Variants in RNGTT observed in about 807,000 individuals in gnomAD.
RNGTT encodes the protein RNA guanylyltransferase and 5'-phosphatase.
Under a neutral mutation model 79.3 loss-of-function variants are expected in RNGTT, and 33 were observed. That is an observed-to-expected ratio of 0.42 (90% CI 0.32 to 0.56). RNGTT has a LOEUF of 0.56. Ranked by LOEUF, RNGTT falls within the 20% of genes least tolerant of loss-of-function variation. RNGTT has a pLI of 0.17. For synonymous variants in RNGTT, 222 were observed against 235.9 expected (o/e 0.94, Z 0.54); for missense variants, 497 against 739.1 (o/e 0.67, Z 3.80).
chr6:88,642,083 C>T (rs1020577687), intron 14 of RNGTT, among the ~76,000 whole-genome samples: 6 of 152,042 alleles, frequency 3.9e-5, no homozygotes, highest in Non-Finnish European at 8.8e-5. Flanking sequence ...AATCAAAGTA[C>T]TATATCTTTC....
At chr6:88,858,658 T>A (rs903531457) in intron 8 of RNGTT, among the ~76,000 whole-genome samples, 5 of 152,218 alleles carry the variant, frequency 3.3e-5, no homozygotes, top group African/African-American at 1.2e-4. Flanking sequence ...ATGAGGAAAC[T>A]GAGACATTGC....
At chr6:88,942,497 G>A (rs1784883372) in intron 1 of RNGTT, among the ~76,000 whole-genome samples, 1 of 151,900 alleles carries the variant, frequency 6.6e-6, no homozygotes, top group South Asian at 2.1e-4. Flanking sequence ...CAGCCCCCCA[G>A]TAGCTGGGAC....
intron 1 of RNGTT, among the ~76,000 whole-genome samples, chr6:88,942,936 TC>T (rs1206653259): frequency 1.3e-5 from 2 of 152,156 alleles, no homozygotes; most frequent in African/African-American, 2.4e-5. Context: ...TACTATTATA[TC>T]CTCCTGGTTT....
At chr6:88,766,250 C>T (rs185755849) in intron 13 of RNGTT, among the ~76,000 whole-genome samples, 3 of 152,196 alleles carry the variant, frequency 2.0e-5, no homozygotes, top group Admixed American at 1.3e-4. Context: ...AGCTTTAAAA[C>T]CTGAACTCTA....
At chr6:88,938,837 C>T (rs998141576) in intron 2 of RNGTT, among the ~76,000 whole-genome samples, 1 of 152,128 alleles carries the variant, frequency 6.6e-6, no homozygotes, top group African/African-American at 2.4e-5. Flanking sequence ...TTTTGCTTGT[C>T]TGGGAAAGAC....
intron 13 of RNGTT, among the ~76,000 whole-genome samples, chr6:88,747,858 G>C (rs1393965974): frequency 6.6e-6 from 1 of 152,166 alleles, no homozygotes; most frequent in Non-Finnish European, 1.5e-5. Context: ...ACAGAGCAAT[G>C]ATTATGTATA....
At position 88,765,899 on chromosome 6, in the gene RNGTT, G is replaced by C. The variant is rs373798952; in HGVS notation, c.1439+3875C>G. Among the ~76,000 whole-genome samples the C allele has an allele frequency of 2.3e-4, 35 of 152,208 alleles. No individual in the cohort carries two copies. The South Asian group carries it at 6.4e-3, about 28-fold the overall frequency. ...TTACACAAAAAAGCTAAAGATATAT[G>C]CATTTTAAAAGAGAAAATTAACAGA... On this transcript the variant is annotated intron_variant, in intron 13 of 15. Transcript: ENST00000369485.
chr6:88,865,957 G>A (rs998330291), intron 8 of RNGTT, among the ~76,000 whole-genome samples: 3 of 151,892 alleles, frequency 2.0e-5, no homozygotes, highest in Admixed American at 6.6e-5. Flanking sequence ...AATCTACTTG[G>A]GTTCATGTTT....
In RNGTT at chr6:88,697,889, G is replaced by GAT. The variant is rs1484792332; in HGVS notation, c.1440-19472_1440-19471dup. Among the ~76,000 whole-genome samples the GAT allele has an allele frequency of 1.6e-4, 12 of 77,356 alleles. No individual in the cohort carries two copies. In the South Asian group the frequency reaches 3.6e-3, roughly 23 times the overall value. 50.7% of individuals were successfully genotyped at this position (77,356 alleles called of 152,430 possible). A position where few individuals can be genotyped will look rare whatever the true frequency, so the allele number is the denominator to read the frequency against. ...CTGTCTTGGAAAAAAATATATATAT[G>GAT]ATATATATATATGATATATATATGA... On this transcript the variant is annotated intron_variant, in intron 13 of 15. Coordinates refer to ENST00000369485, the MANE Select transcript of RNGTT (RefSeq NM_003800.5).
At chr6:88,632,534 C>T (rs1219268554) in intron 14 of RNGTT, among the ~76,000 whole-genome samples, 1 of 96,678 alleles carries the variant, frequency 1.0e-5, no homozygotes, top group South Asian at 3.7e-4. Flanking sequence ...TACAGACACA[C>T]AGACACACAG....
chr6:88,634,987 A>G (rs1037129347), intron 14 of RNGTT, among the ~76,000 whole-genome samples: 12 of 152,102 alleles, frequency 7.9e-5, no homozygotes, highest in Non-Finnish European at 1.6e-4. Flanking sequence ...AAGACTCTTA[A>G]GGGATGAAAA....
chr6:88,760,146 T>C (rs1252298057), intron 13 of RNGTT, among the ~76,000 whole-genome samples: 1 of 152,222 alleles, frequency 6.6e-6, no homozygotes, highest in African/African-American at 2.4e-5. Flanking sequence ...GTAATTTGAC[T>C]CCAGTGAGGT....
chr6:88,648,446 A>G (rs2127776670), intron 14 of RNGTT, among the ~76,000 whole-genome samples: 1 of 151,636 alleles, frequency 6.6e-6, no homozygotes, highest in South Asian at 2.1e-4. Flanking sequence ...CACATTGTGC[A>G]CATGTACCCT....
chr6:88,774,611 T>C (rs1235435344), intron 12 of RNGTT, among the ~76,000 whole-genome samples: 3 of 152,210 alleles, frequency 2.0e-5, no homozygotes, highest in Non-Finnish European at 4.4e-5. Flanking sequence ...CAAAAGGTTG[T>C]ATATACATAT....
At chr6:88,621,344 T>C (rs2127765830) in intron 14 of RNGTT, among the ~76,000 whole-genome samples, 1 of 152,274 alleles carries the variant, frequency 6.6e-6, no homozygotes, top group Admixed American at 6.5e-5. Flanking sequence ...TTGTACCAGT[T>C]TAGAGTAGAG....
chr6:88,902,982 C>T (rs538726217), intron 6 of RNGTT, among the ~76,000 whole-genome samples: 2 of 152,152 alleles, frequency 1.3e-5, no homozygotes, highest in African/African-American at 4.8e-5. Context: ...GCGTGAGCCA[C>T]CGCACCTGGC....
At chr6:88,957,531 C>T (rs911956039) in intron 1 of RNGTT, among the ~76,000 whole-genome samples, 3 of 152,162 alleles carry the variant, frequency 2.0e-5, no homozygotes, top group South Asian at 2.1e-4. Context: ...TTTCAGGATA[C>T]AAAATCAACG....
At chr6:88,622,398 C>T (rs1772470807) in intron 14 of RNGTT, among the ~76,000 whole-genome samples, 1 of 152,034 alleles carries the variant, frequency 6.6e-6, no homozygotes, top group Non-Finnish European at 1.5e-5. Context: ...ATCATTCTTT[C>T]ATCTACTCTC....
intron 1 of RNGTT, among the ~76,000 whole-genome samples, chr6:88,944,153 C>G (rs991339436): frequency 2.0e-5 from 3 of 152,156 alleles, no homozygotes; most frequent in Admixed American, 6.5e-5. Context: ...ATAATTAAAG[C>G]TAATTGTGTA....
Sources: gnomAD v4.1 joint callset for allele counts (sites outside exome capture counted in the v4.1 genomes callset) on GRCh38, gnomAD v4.1.1 for gene constraint, MANE v1.5 for transcripts, NCBI Gene and HGNC (gene_info 2026-07-23, HGNC 2026-07-21) for gene names.